Variants in ADRA2C observed in about 807,000 individuals in gnomAD.
ADRA2C encodes the protein adrenoceptor alpha 2C, also known as alpha-2C adrenergic receptor.
ADRA2C carries 4 observed loss-of-function variants against 7.9 expected under a neutral mutation model. The observed-to-expected ratio is 0.51, with a 90% confidence interval of 0.25 to 1.16. The LOEUF (loss-of-function observed/expected upper bound fraction) is 1.16. ADRA2C is among the 50% of genes most tolerant of loss of function. ADRA2C has a pLI of 0.15. For synonymous variants in ADRA2C, 368 were observed against 328.9 expected, an observed-to-expected ratio of 1.12 and a Z score of -1.29; for missense variants, 589 against 677.7, an observed-to-expected ratio of 0.87 and a Z score of 1.45.
At position 3,767,821 on chromosome 4, in the gene ADRA2C, C is replaced by T. The variant is rs1262428751; in HGVS notation, c.1215C>T (p.Tyr405=). ...CCTTCTTCTTCAGCTACAGCCTGTACGGCATCTGCCGCGAGGCCTGCCAGG... is the reference window on the plus strand; with the variant it reads ...CCTTCTTCTTCAGCTACAGCCTGTATGGCATCTGCCGCGAGGCCTGCCAGG... The part of the protein sequence containing the change: ...WFPFFFSYSL[Y]GICREACQVP... The change falls in exon 1 of 1, where the codon TAC becomes TAT. Residue 405 remains tyrosine, a synonymous_variant. Transcript: ENST00000330055. 6.2e-7 allele frequency: 1 copy of T among 1,613,208 alleles called. No homozygotes were observed. The highest frequency in any genetic ancestry group is 1.1e-5 in the South Asian group (1 of 91,088).
In ADRA2C at chr4:3,768,491, A is replaced by T; in HGVS notation, c.*496A>T. The T allele has an allele frequency of 1.7e-6, 1 of 590,676 alleles. No individual in the cohort carries two copies. Among genetic ancestry groups the T allele is most frequent in the Non-Finnish European group, 3.1e-6 (1 of 324,246 alleles). The allele number at this position is 590,676 out of a possible 1,614,324, so 36.6% of individuals were successfully genotyped here. A position where few individuals can be genotyped will look rare whatever the true frequency, so the allele number is the denominator to read the frequency against. On this transcript the variant is annotated 3_prime_UTR_variant, in exon 1 of 1. Transcript: ENST00000330055. The stretch of plus-strand genomic sequence containing the variant: ...TTTGCCAAAAACAACAGCCAAAACA[A>T]CCAAACTATTTTCTAAATAAACCTT...
In ADRA2C at chr4:3,767,684, C is replaced by T. The variant is rs766227098; in HGVS notation, c.1078C>T (p.Arg360Trp). 7 of 1,590,180 alleles carry T rather than the reference C, an allele frequency of 4.4e-6. No individual in the cohort carries two copies. The highest frequency in any genetic ancestry group is 3.4e-5 in the South Asian group (3 of 88,716). Residue 360 changes from arginine (R) to tryptophan (W), a missense_variant, in exon 1 of 1, where the codon CGG (arginine) becomes TGG (tryptophan). Coordinates refer to ENST00000330055, the MANE Select transcript of ADRA2C (RefSeq NM_000683.4). The stretch of plus-strand genomic sequence containing the variant: ...CTCCGTCGAGTTCTTCCTGTCGCGC[C>T]GGCGCCGGGCGCGCAGCAGCGTGTG... ...SRSVEFFLSR[R>W]RRARSSVCRR... is the part of the protein sequence containing the mutation.
rs1560346078 is a variant in ADRA2C at position 3,768,317 on chromosome 4, A to G, written c.*322A>G. Reference sequence around the variant, plus strand: ...AGCAGTGGCAGAGGTAGCCCCCTAAATGGGCAAGCAAGGAGCCCCCCAAAG... The same window carrying G: ...AGCAGTGGCAGAGGTAGCCCCCTAAGTGGGCAAGCAAGGAGCCCCCCAAAG... On this transcript the variant is annotated 3_prime_UTR_variant, in exon 1 of 1. Transcript: ENST00000330055. 4 of 716,810 alleles carry G rather than the reference A, an allele frequency of 5.6e-6. No individual in the cohort carries two copies. The highest frequency in any genetic ancestry group is 1.0e-5 in the Non-Finnish European group (4 of 384,858). 44.4% of individuals were successfully genotyped at this position (716,810 alleles called of 1,614,324 possible).
Position 3,767,295 on chromosome 4 carries a change from A to G in ADRA2C, c.689A>G (p.Tyr230Cys). 6.3e-7 allele frequency: 1 copy of G among 1,598,292 alleles called. No individual in the cohort carries two copies. Among genetic ancestry groups the G allele is most frequent in the Non-Finnish European group, 8.5e-7 (1 of 1,173,564 alleles). Reference protein sequence around the residue: ...FAPCLIMGLVYARIYRVAKLR... With the variant: ...FAPCLIMGLVCARIYRVAKLR... The stretch of plus-strand genomic sequence containing the variant: ...CCCTGCCTCATCATGGGCCTGGTCT[A>G]CGCGCGCATCTACCGAGTGGCCAAG... The change falls in exon 1 of 1, where the codon TAC becomes TGC. Residue 230 changes from tyrosine (Y) to cysteine (C), a missense_variant. Physicochemically the swap from Tyr to Cys is radical, Grantham distance 194. Transcript: ENST00000330055.
In ADRA2C at chr4:3,766,715, G is replaced by A. The variant is rs1441297347; in HGVS notation, c.109G>A (p.Ala37Thr). ...GSGGVANASGASWGPPRGQYS... is the reference protein window; with the variant it reads ...GSGGVANASGTSWGPPRGQYS... ...CGGCGGGGTTGCCAATGCCTCGGGG[G>A]CTTCCTGGGGGCCGCCGCGCGGCCA... The change falls in exon 1 of 1, where the codon GCT (alanine) becomes ACT (threonine). Residue 37 changes from alanine (A) to threonine (T), a missense_variant. Coordinates refer to ENST00000330055, the MANE Select transcript of ADRA2C (RefSeq NM_000683.4). The surrounding 1 kb of genome is among the most constrained non-coding windows in gnomAD (Gnocchi z 4.5). The A allele has an allele frequency of 2.7e-6, 4 of 1,461,624 alleles. No individual in the cohort carries two copies. The South Asian group carries it at 4.3e-5, about 16-fold the overall frequency. The allele number at this position is 1,461,624 out of a possible 1,614,324, so 90.5% of individuals were successfully genotyped here.
Position 3,768,090 on chromosome 4 carries a change from G to A in ADRA2C, c.*95G>A. ...GGAGCTTTCCCAGAGACCCGGGGAT[G>A]GATTGGCCTCCAGGGCGCAGGGGAG... On this transcript the variant is annotated 3_prime_UTR_variant, in exon 1 of 1. Transcript: ENST00000330055. 3 of 112,704 alleles carry A rather than the reference G, an allele frequency of 2.7e-5. No homozygotes were observed. The highest frequency in any genetic ancestry group is 5.3e-5 in the Non-Finnish European group (3 of 56,380). The allele number at this position is 112,704 out of a possible 1,614,324, so 7.0% of individuals were successfully genotyped here.
Position 3,767,368 on chromosome 4 carries a change from C to T in ADRA2C, c.762C>T (p.Asp254=), listed in dbSNP as rs1735471707. The T allele has an allele frequency of 1.3e-6, 2 of 1,541,712 alleles. No homozygotes were observed. Among genetic ancestry groups the T allele is most frequent in the Non-Finnish European group, 1.7e-6 (2 of 1,147,296 alleles). Residue 254 remains aspartate, a synonymous_variant, in exon 1 of 1, where the codon GAC becomes GAT. Transcript: ENST00000330055. ...LSEKRAPVGP[D]GASPTTENGL... ...AGAAGCGCGCCCCCGTGGGCCCCGACGGTGCGTCCCCGACTACCGAAAACG... is the reference window on the plus strand; with the variant it reads ...AGAAGCGCGCCCCCGTGGGCCCCGATGGTGCGTCCCCGACTACCGAAAACG...
Position 3,767,267 on chromosome 4 carries a change from G to C in ADRA2C, c.661G>C (p.Ala221Pro). 6.2e-7 allele frequency: 1 copy of C among 1,606,316 alleles called. No individual in the cohort carries two copies. The highest frequency in any genetic ancestry group is 8.5e-7 in the Non-Finnish European group (1 of 1,177,144). ...GTCCTCCTGCATCGGCTCCTTCTTC[G>C]CGCCCTGCCTCATCATGGGCCTGGT... ...ILSSCIGSFFAPCLIMGLVYA... is the reference protein window; with the variant it reads ...ILSSCIGSFFPPCLIMGLVYA... The change falls in exon 1 of 1, where the codon GCG (alanine) becomes CCG (proline). Residue 221 changes from alanine (A) to proline (P), a missense_variant. By Grantham distance (27) the Ala-to-Pro change is conservative (BLOSUM62 -1). Transcript: ENST00000330055.
rs1182557808 is a variant in ADRA2C, at chr4:3,766,544, G to C, written c.-63G>C. ...TGCGGGCGCCGACCCCGGCTGGGGG[G>C]CGCCCGAGCTGCCGCGGCTGCGCCC... On this transcript the variant is annotated 5_prime_UTR_variant, in exon 1 of 1. Coordinates refer to ENST00000330055, the MANE Select transcript of ADRA2C (RefSeq NM_000683.4). This position sits in a 1 kb window ranked among gnomAD's most constrained non-coding sequence, Gnocchi z 4.5. 11 of 1,068,842 alleles carry C rather than the reference G, an allele frequency of 1.0e-5. No homozygotes were observed. The South Asian group carries it at 4.0e-4, about 38-fold the overall frequency. The allele number at this position is 1,068,842 out of a possible 1,614,324, so 66.2% of individuals were successfully genotyped here.
rs1223673396 is a variant in ADRA2C, at chr4:3,768,049, G to A, written c.*54G>A. 8 of 379,408 alleles carry A rather than the reference G, an allele frequency of 2.1e-5. No individual in the cohort carries two copies. The East Asian group carries it at 3.4e-4, about 16-fold the overall frequency. The allele number at this position is 379,408 out of a possible 1,614,324, so 23.5% of individuals were successfully genotyped here. ...CTCCGCGCTCGGGGCTGGGCAGAAG[G>A]GGCGGCCCGGACGGGGGAGCTTTCC... On this transcript the variant is annotated 3_prime_UTR_variant, in exon 1 of 1. Coordinates refer to ENST00000330055, the MANE Select transcript of ADRA2C (RefSeq NM_000683.4).
Position 3,766,557 on chromosome 4 carries a change from C to A in ADRA2C, c.-50C>A. The A allele has an allele frequency of 2.7e-6, 3 of 1,110,724 alleles. No homozygotes were observed. The highest frequency in any genetic ancestry group is 3.3e-6 in the Non-Finnish European group (3 of 912,084). 68.8% of individuals were successfully genotyped at this position (1,110,724 alleles called of 1,614,324 possible). On this transcript the variant is annotated 5_prime_UTR_variant, in exon 1 of 1. Coordinates refer to ENST00000330055, the MANE Select transcript of ADRA2C (RefSeq NM_000683.4). The surrounding 1 kb of genome is among the most constrained non-coding windows in gnomAD (Gnocchi z 4.5). ...CCCGGCTGGGGGGCGCCCGAGCTGC[C>A]GCGGCTGCGCCCCGGCTCCAGGAGG...
In ADRA2C at chr4:3,767,824, C is replaced by T. The variant is rs892993952; in HGVS notation, c.1218C>T (p.Gly406=). ...TCTTCTTCAGCTACAGCCTGTACGG[C>T]ATCTGCCGCGAGGCCTGCCAGGTGC... ...FPFFFSYSLY[G]ICREACQVPG... Residue 406 remains glycine, a synonymous_variant, in exon 1 of 1, where the codon GGC becomes GGT. Coordinates refer to ENST00000330055, the MANE Select transcript of ADRA2C (RefSeq NM_000683.4). 15 of 1,613,110 alleles carry T rather than the reference C, an allele frequency of 9.3e-6. No individual in the cohort carries two copies. Among genetic ancestry groups the T allele is most frequent in the Non-Finnish European group, 1.3e-5 (15 of 1,179,884 alleles).
chr4:3,767,189 G>T lies in ADRA2C; in HGVS notation c.583G>T (p.Asp195Tyr). The T allele has an allele frequency of 6.2e-7, 1 of 1,610,096 alleles. No homozygotes were observed. Among genetic ancestry groups the T allele is most frequent in the Non-Finnish European group, 8.5e-7 (1 of 1,179,542 alleles). Residue 195 changes from aspartate (D) to tyrosine (Y), a missense_variant, in exon 1 of 1, where the codon GAC becomes TAC. Transcript: ENST00000330055. ...GCTGGTCTCGCTCTACCGCCAGCCC[G>T]ACGGCGCCGCCTACCCGCAGTGCGG... ...PPLVSLYRQP[D>Y]GAAYPQCGLN... is the part of the protein sequence containing the mutation.
Position 3,767,909 on chromosome 4 carries a change from G to C in ADRA2C, c.1303G>C (p.Val435Leu). The change falls in exon 1 of 1, where the codon GTC becomes CTC. Residue 435 changes from valine to leucine, a missense_variant. By Grantham distance (32) the Val-to-Leu change is conservative (BLOSUM62 1). Coordinates refer to ENST00000330055, the MANE Select transcript of ADRA2C (RefSeq NM_000683.4). ...CTACTGCAACAGCTCGCTCAACCCG[G>C]TCATCTACACGGTCTTCAACCAGGA... ...IGYCNSSLNP[V>L]IYTVFNQDFR... is the part of the protein sequence containing the mutation. The C allele has an allele frequency of 6.2e-7, 1 of 1,612,396 alleles. No individual in the cohort carries two copies. Among genetic ancestry groups the C allele is most frequent in the South Asian group, 1.1e-5 (1 of 91,088 alleles).
chr4:3,766,702 C>T lies in ADRA2C; in HGVS notation c.96C>T (p.Ala32=). ...GCGAGAGGGGCAGCGGCGGGGTTGC[C>T]AATGCCTCGGGGGCTTCCTGGGGGC... is the stretch of plus-strand genomic sequence containing the variant. ...GAGERGSGGV[A]NASGASWGPP... Residue 32 remains alanine, a synonymous_variant, in exon 1 of 1, where the codon GCC becomes GCT. Coordinates refer to ENST00000330055, the MANE Select transcript of ADRA2C (RefSeq NM_000683.4). This position sits in a 1 kb window ranked among gnomAD's most constrained non-coding sequence, Gnocchi z 4.5. 1 of 1,437,142 alleles carries T rather than the reference C, an allele frequency of 7.0e-7. No homozygotes were observed. The highest frequency in any genetic ancestry group is 9.1e-7 in the Non-Finnish European group (1 of 1,098,748). 89.0% of individuals were successfully genotyped at this position (1,437,142 alleles called of 1,614,324 possible).
In ADRA2C at chr4:3,766,445, G is replaced by A. The variant is rs186749662; in HGVS notation, c.-162G>A. The stretch of plus-strand genomic sequence containing the variant: ...CCACGCTCTCCGGCGCGCCGCCCGC[G>A]GAGCCACCACGGCCGAGGGCCGGCT... On this transcript the variant is annotated 5_prime_UTR_variant, in exon 1 of 1. Transcript: ENST00000330055. This position sits in a 1 kb window ranked among gnomAD's most constrained non-coding sequence, Gnocchi z 4.5. 0.011 allele frequency: 3,495 copies of A among 318,478 alleles called. 135 individuals are homozygous for A. The highest frequency in any genetic ancestry group is 0.072 in the African/African-American group (3,164 of 44,188). The allele number at this position is 318,478 out of a possible 1,614,324, so 19.7% of individuals were successfully genotyped here.
rs749226450 is a variant in ADRA2C at position 3,768,004 on chromosome 4, C to T, written c.*9C>T. On this transcript the variant is annotated 3_prime_UTR_variant, in exon 1 of 1. Coordinates refer to ENST00000330055, the MANE Select transcript of ADRA2C (RefSeq NM_000683.4). ...GGGGCTTCAGGCAGTGACTCGCACC[C>T]GTCTGGGAATCCTGGACAGCTCCGC... 2.9e-5 allele frequency: 46 copies of T among 1,600,892 alleles called. 1 individual carries two copies. In the South Asian group the frequency reaches 4.6e-4, roughly 16 times the overall value.
Position 3,766,710 on chromosome 4 carries a change from CG to C in ADRA2C, c.109del (p.Ala37LeufsTer37). The C allele has an allele frequency of 1.4e-6, 2 of 1,458,940 alleles. No homozygotes were observed. Among genetic ancestry groups the C allele is most frequent in the Non-Finnish European group, 1.8e-6 (2 of 1,107,374 alleles). The allele number at this position is 1,458,940 out of a possible 1,614,324, so 90.4% of individuals were successfully genotyped here. On this transcript the variant is annotated frameshift_variant, in exon 1 of 1. Coordinates refer to ENST00000330055, the MANE Select transcript of ADRA2C (RefSeq NM_000683.4). LOFTEE classifies it low-confidence loss of function (END_TRUNC). The surrounding 1 kb of genome is among the most constrained non-coding windows in gnomAD (Gnocchi z 4.5). ...ERGSGGVANA[S>X]GASWGPPRGQ... is the part of the protein sequence containing the mutation. ...GGCAGCGGCGGGGTTGCCAATGCCT[CG>C]GGGGCTTCCTGGGGGCCGCCGCGCG...
rs748565098 is a variant in ADRA2C at position 3,767,188 on chromosome 4, C to T, written c.582C>T (p.Pro194=). 6.2e-7 allele frequency: 1 copy of T among 1,610,022 alleles called. No homozygotes were observed. The highest frequency in any genetic ancestry group is 8.5e-7 in the Non-Finnish European group (1 of 1,179,546). The change falls in exon 1 of 1, where the codon CCC becomes CCT. Residue 194 remains proline, a synonymous_variant. Transcript: ENST00000330055. ...CGCTGGTCTCGCTCTACCGCCAGCCCGACGGCGCCGCCTACCCGCAGTGCG... is the reference window on the plus strand; with the variant it reads ...CGCTGGTCTCGCTCTACCGCCAGCCTGACGGCGCCGCCTACCCGCAGTGCG... ...FPPLVSLYRQ[P]DGAAYPQCGL...
Sources: gnomAD v4.1 joint callset for allele counts on GRCh38, gnomAD v4.1.1 for gene constraint, Gnocchi (gnomAD v3.1) non-coding constraint, MANE v1.5 for transcripts, NCBI Gene and HGNC (gene_info 2026-07-23, HGNC 2026-07-21) for gene names.